Variants in RAB27B observed in about 807,000 individuals in gnomAD.
RAB27B encodes RAB27B, member RAS oncogene family.
RAB27B carries 15 observed loss-of-function variants against 24.6 expected under a neutral mutation model. The observed-to-expected ratio is 0.61, with a 90% CI of 0.41 to 0.94. The LOEUF is 0.94. RAB27B is among the 40% of genes least tolerant of loss of function. RAB27B has a pLI of 0.00. For synonymous variants in RAB27B, 105 were observed against 92.5 expected (o/e 1.14, Z -0.78); for missense variants, 261 against 266.8 (o/e 0.98, Z 0.15).
intron 3 of RAB27B, among the ~76,000 whole-genome samples, chr18:54,882,452 G>A (rs1912963131): frequency 6.6e-6 from 1 of 152,200 alleles, no homozygotes; most frequent in African/African-American, 2.4e-5. Flanking sequence ...TCGCAATGGA[G>A]CCTTAGGATA....
intron 2 of RAB27B, among the ~76,000 whole-genome samples, chr18:54,776,492 G>C (rs1302965301): frequency 1.3e-5 from 2 of 152,190 alleles, no homozygotes; most frequent in Non-Finnish European, 2.9e-5. Flanking sequence ...ATCCAGAAGA[G>C]AGTAGTCATC....
intron 2 of RAB27B, among the ~76,000 whole-genome samples, chr18:54,762,382 G>T (rs1462697781): frequency 6.6e-6 from 1 of 152,086 alleles, no homozygotes; most frequent in African/African-American, 2.4e-5. Flanking sequence ...TAGAGACGAG[G>T]TTTCACCGTG....
chr18:54,718,895 T>A (rs9952169), intron 2 of RAB27B, among the ~76,000 whole-genome samples: 35,477 of 152,122 alleles, frequency 0.23, 7,005 homozygotes, highest in African/African-American at 0.54. Flanking sequence ...GCTCTTTTAA[T>A]ACTTTAAAGC....
intron 1 of RAB27B, among the ~76,000 whole-genome samples, chr18:54,828,998 A>T (rs1017203997): frequency 2.0e-5 from 3 of 152,240 alleles, no homozygotes; most frequent in African/African-American, 7.2e-5. Flanking sequence ...AGGCACAGCA[A>T]TGCCAATTTC....
chr18:54,777,627 A>C (rs773492235), intron 2 of RAB27B, among the ~76,000 whole-genome samples: 1 of 152,256 alleles, frequency 6.6e-6, no homozygotes, highest in Non-Finnish European at 1.5e-5. Flanking sequence ...GAAGTAAATT[A>C]TCTGTACTCT....
chr18:54,874,379 G>A (rs929031725), intron 1 of RAB27B, among the ~76,000 whole-genome samples: 1 of 152,076 alleles, frequency 6.6e-6, no homozygotes, highest in Non-Finnish European at 1.5e-5. Context: ...AAATTACGTT[G>A]TATTTTCTCA....
At chr18:54,813,173 C>T (rs766830679) in intron 2 of RAB27B, among the ~76,000 whole-genome samples, 5 of 152,166 alleles carry the variant, frequency 3.3e-5, no homozygotes, top group African/African-American at 7.2e-5. Flanking sequence ...TGTATCCCAT[C>T]TGCTTATTGA....
chr18:54,791,191 A>C (rs8084795), intron 2 of RAB27B, among the ~76,000 whole-genome samples: 34 of 152,242 alleles, frequency 2.2e-4, no homozygotes, highest in African/African-American at 7.7e-4. Context: ...ATAGTGATCT[A>C]GAGCATTAAA....
At chr18:54,770,346 G>C (rs1908504135) in intron 2 of RAB27B, among the ~76,000 whole-genome samples, 1 of 152,142 alleles carries the variant, frequency 6.6e-6, no homozygotes, top group Non-Finnish European at 1.5e-5. Flanking sequence ...GATTGGCAGC[G>C]GCATTAGATT....
In RAB27B at chr18:54,890,334, T is replaced by C. The variant is rs1390893815; in HGVS notation, c.*921T>C. ...TTCATTTTTTCTTAGCACATGTTGA[T>C]AAAATAGTCACAAGGAGAAATTACC... On this transcript the variant is annotated 3_prime_UTR_variant, in exon 6 of 6. Transcript: ENST00000262094. 6.6e-6 allele frequency: 1 copy of C among 152,144 alleles called. No individual in the cohort carries two copies. The highest frequency in any genetic ancestry group is 1.5e-5 in the Non-Finnish European group (1 of 68,008). The allele number at this position is 152,144 out of a possible 1,614,324, so 9.4% of individuals were successfully genotyped here.
chr18:54,888,235 A>T (rs890597673), intron 5 of RAB27B, 117 bp downstream of exon 5: 1 of 1,205,130 alleles, frequency 8.3e-7, no homozygotes, highest in Non-Finnish European at 1.2e-6. Context: ...CATGTGGATT[A>T]AAAAGATCTT....
chr18:54,827,744 C>T (rs1399368907), upstream of RAB27B, among the ~76,000 whole-genome samples: 1 of 152,130 alleles, frequency 6.6e-6, no homozygotes, highest in East Asian at 1.9e-4. Context: ...TTATAATGTA[C>T]CTAACCTTGT....
At chr18:54,794,760 G>A (rs936161354) in intron 2 of RAB27B, among the ~76,000 whole-genome samples, 1 of 152,160 alleles carries the variant, frequency 6.6e-6, no homozygotes, top group Non-Finnish European at 1.5e-5. Flanking sequence ...TTAGAGTGCA[G>A]GAGCAGTTTA....
At chr18:54,749,724 T>C (rs1907768947) in intron 2 of RAB27B, among the ~76,000 whole-genome samples, 1 of 152,218 alleles carries the variant, frequency 6.6e-6, no homozygotes, top group Non-Finnish European at 1.5e-5. Context: ...TATTAGCGAC[T>C]TATCTTGAGA....
intron 1 of RAB27B, among the ~76,000 whole-genome samples, chr18:54,844,150 AGGGATATAACTGT>A (rs1771550162): frequency 6.6e-6 from 1 of 152,282 alleles, no homozygotes; most frequent in Admixed American, 6.5e-5. Flanking sequence ...ATATCTTCTG[AGGGATATAACTGT>A]GGGAAGAGAC....
At position 54,894,310 on chromosome 18, in the gene RAB27B, G is replaced by T. The variant is rs924464143; in HGVS notation, c.*4897G>T. Reference sequence around the variant, plus strand: ...ATCTTTTCATTAAGTGGATTCCCTGGTTCCTTTCCAGCTGGTTGTGGAAGT... The same window carrying T: ...ATCTTTTCATTAAGTGGATTCCCTGTTTCCTTTCCAGCTGGTTGTGGAAGT... On this transcript the variant is annotated 3_prime_UTR_variant, in exon 6 of 6. Transcript: ENST00000262094. The T allele has an allele frequency of 2.0e-5, 3 of 152,036 alleles. No individual in the cohort carries two copies. In the East Asian group the frequency reaches 5.8e-4, roughly 29 times the overall value. The allele number at this position is 152,036 out of a possible 1,614,324, so 9.4% of individuals were successfully genotyped here.
Position 54,763,301 on chromosome 18 carries a change from GTGTT to G in RAB27B, c.-20+45166_-20+45169del, listed in dbSNP as rs1197267235. Among the ~76,000 whole-genome samples, 109 of 151,956 alleles carry G rather than the reference GTGTT, an allele frequency of 7.2e-4. 1 individual carries two copies. The highest frequency in any genetic ancestry group is 2.2e-3 in the African/African-American group (92 of 41,448). On this transcript the variant is annotated intron_variant, in intron 2 of 4. Transcript: ENST00000586570. ...TTCATCATTTTATATATATGTCTAT[GTGTT>G]TGTTTATTTATTTATTTATTTATTT...
intron 2 of RAB27B, among the ~76,000 whole-genome samples, chr18:54,812,747 G>C (rs182122609): frequency 6.6e-6 from 1 of 152,042 alleles, no homozygotes; most frequent in Non-Finnish European, 1.5e-5. Context: ...ATTTCTAATG[G>C]TTTAAAGATG....
At chr18:54,779,943 TC>T (rs1192077898) in intron 2 of RAB27B, among the ~76,000 whole-genome samples, 1 of 149,806 alleles carries the variant, frequency 6.7e-6, no homozygotes, top group East Asian at 2.0e-4. Context: ...CCTCACCATG[TC>T]CCCCCTCTCC....
Sources: allele counts gnomAD v4.1 joint callset (sites outside exome capture counted in the v4.1 genomes callset), GRCh38; gene constraint gnomAD v4.1.1; transcripts MANE v1.5; gene names NCBI Gene and HGNC (gene_info 2026-07-23, HGNC 2026-07-21).